Variants in ZNF285 observed in about 807,000 individuals in gnomAD.
The protein encoded by ZNF285 is zinc finger protein 285A.
Under a neutral mutation model 6.2 loss-of-function variants are expected in ZNF285, and 4 were observed. The observed-to-expected ratio is 0.65, with a 90% CI of 0.32 to 1.49. The LOEUF (loss-of-function observed/expected upper bound fraction) is 1.49, where lower values mean the gene tolerates loss of function less well. ZNF285 is among the 40% of genes most tolerant of loss of function. The pLI is 0.07. For synonymous variants in ZNF285, 240 were observed against 245.8 expected (o/e 0.98, Z 0.22); for missense variants, 695 against 708.8 (o/e 0.98, Z 0.22).
chr19:44,397,539 A>G (rs73560660), intron 1 of ZNF285, among the ~76,000 whole-genome samples: 2,061 of 152,208 alleles, frequency 0.014, 72 homozygotes, highest in African/African-American at 0.047. Flanking sequence ...GAACTGACAT[A>G]ATCTACATCT....
intron 1 of ZNF285, 123 bp from the exon 2 acceptor site, chr19:44,397,379 C>G: frequency 2.5e-6 from 3 of 1,193,924 alleles, no homozygotes; most frequent in South Asian, 1.4e-5. Context: ...TCTCTTCTCG[C>G]TCTGAACAGA....
In ZNF285 at chr19:44,393,325, C is replaced by A. The variant is rs531821995; in HGVS notation, c.16-859G>T. Among the ~76,000 whole-genome samples, 8 of 152,058 alleles carry A rather than the reference C, an allele frequency of 5.3e-5. No homozygotes were observed. In the East Asian group the frequency reaches 1.5e-3, roughly 29 times the overall value. On this transcript the variant is annotated intron_variant, in intron 2 of 3. Coordinates refer to ENST00000614994, the MANE Select transcript of ZNF285 (RefSeq NM_152354.6). ...AAGATTACACATTATGCTATTCTTT[C>A]GTTTTCCTGATAAATTGAAATTTCT...
chr19:44,392,323 C>G lies in ZNF285; in HGVS notation c.142+17G>C, dbSNP rs2571123. 0.21 allele frequency: 333,694 copies of G among 1,613,446 alleles called. 52,703 individuals are homozygous for G. The highest frequency in any genetic ancestry group is 0.75 in the East Asian group (33,723 of 44,866). On this transcript the variant is annotated intron_variant, in intron 3 of 3. Transcript: ENST00000614994. ...TTTGAGGAAACAGGTCCAGTGGTCT[C>G]ATGCTCAGTTACTCACTCACTAACA...
intron 2 of ZNF285, chr19:44,392,684 T>C: frequency 2.4e-6 from 2 of 827,368 alleles, no homozygotes; most frequent in Non-Finnish European, 4.0e-6. Context: ...GCTCTCACTG[T>C]GTCCTTACAT....
rs772804906 is a variant in ZNF285, at chr19:44,397,372, C to A, written c.-43-116G>T. The A allele has an allele frequency of 3.1e-5, 39 of 1,246,382 alleles. No homozygotes were observed. The Middle Eastern group carries it at 1.1e-3, about 36-fold the overall frequency. 77.2% of individuals were successfully genotyped at this position (1,246,382 alleles called of 1,614,324 possible). A position where few individuals can be genotyped will look rare whatever the true frequency, so the allele number is the denominator to read the frequency against. On this transcript the variant is annotated intron_variant, in intron 1 of 3. Transcript: ENST00000614994. ...TTTCTCCTCTCACTGGATATCATCT[C>A]TTCTCGCTCTGAACAGACTGAACTC... is the stretch of plus-strand genomic sequence containing the variant.
At chr19:44,401,175 G>A (rs1306138984) in intron 1 of ZNF285, among the ~76,000 whole-genome samples, 1 of 152,060 alleles carries the variant, frequency 6.6e-6, no homozygotes, top group Admixed American at 6.5e-5. Flanking sequence ...CCCATTCAGG[G>A]ACGCACAGTC....
At chr19:44,398,104 G>T (rs1470354501) in intron 1 of ZNF285, among the ~76,000 whole-genome samples, 4 of 151,976 alleles carry the variant, frequency 2.6e-5, no homozygotes, top group African/African-American at 4.8e-5. Context: ...TTGACTCTTG[G>T]CTTCCTAAAC....
Position 44,387,302 on chromosome 19 carries a change from G to C in ZNF285, c.943C>G (p.Pro315Ala). 1 of 1,614,186 alleles carries C rather than the reference G, an allele frequency of 6.2e-7. No homozygotes were observed. ...RYQKVSSGDKPYKCKECGKGF... is the reference protein window; with the variant it reads ...RYQKVSSGDKAYKCKECGKGF... The stretch of plus-strand genomic sequence containing the variant: ...TTGCCACATTCTTTACATTTGTAGG[G>C]TTTGTCTCCTGAGGAGACTTTCTGA... Residue 315 changes from proline (P) to alanine (A), a missense_variant, in exon 4 of 4, where the codon CCC (proline) becomes GCC (alanine). By Grantham distance (27) the Pro-to-Ala change is conservative. Coordinates refer to ENST00000614994, the MANE Select transcript of ZNF285 (RefSeq NM_152354.6).
intron 3 of ZNF285, among the ~76,000 whole-genome samples, chr19:44,388,739 A>G (rs1454391388): frequency 2.1e-5 from 3 of 143,544 alleles, no homozygotes; most frequent in Non-Finnish European, 2.9e-5. Flanking sequence ...TAAATAATAC[A>G]TATTGATGGA....
intron 3 of ZNF285, among the ~76,000 whole-genome samples, chr19:44,390,076 G>A (rs1335564928): frequency 2.6e-5 from 4 of 151,948 alleles, no homozygotes; most frequent in African/African-American, 4.8e-5. Flanking sequence ...CCCACGTGTC[G>A]TGTCCCATAA....
At chr19:44,397,284 C>A in intron 1 of ZNF285, 28 bp from the exon 2 acceptor site, 1 of 1,612,796 alleles carries the variant, frequency 6.2e-7, no homozygotes, top group Non-Finnish European at 8.5e-7. Context: ...TCCATGAGAT[C>A]ATGGGTTCAA....
chr19:44,392,412 G>C lies in ZNF285; in HGVS notation c.70C>G (p.Leu24Val), dbSNP rs769556303. Residue 24 changes from leucine to valine, a missense_variant, in exon 3 of 4, where the codon CTA (leucine) becomes GTA (valine). By Grantham distance (32) the Leu-to-Val change is conservative (BLOSUM62 1). Coordinates refer to ENST00000614994, the MANE Select transcript of ZNF285 (RefSeq NM_152354.6). ...AVVFTKEELA[L>V]LDKAQINLYQ... ...AGGTTTATCTGGGCTTTATCCAATA[G>C]TGCCAGCTCTTCCTTGGTGAAGACA... The C allele has an allele frequency of 1.1e-5, 18 of 1,613,678 alleles. No homozygotes were observed. Among genetic ancestry groups the C allele is most frequent in the Non-Finnish European group, 1.4e-5 (17 of 1,179,836 alleles).
Position 44,391,010 on chromosome 19 carries a change from TG to T in ZNF285, c.142+1329del, listed in dbSNP as rs1348863338. Among the ~76,000 whole-genome samples the T allele has an allele frequency of 2.0e-5, 3 of 151,994 alleles. No individual in the cohort carries two copies. The East Asian group carries it at 5.8e-4, about 30-fold the overall frequency. ...CTCTACTAATAATACAAAGATTAGC[TG>T]GGTGTGGTGGTGCATGTCTGTAGTC... On this transcript the variant is annotated intron_variant, in intron 3 of 3. Transcript: ENST00000614994.
chr19:44,386,509 G>T lies in ZNF285; in HGVS notation c.1736C>A (p.Thr579Asn). ...THCERGKDLL[T>N]HQRLHEQRET... Reference sequence around the variant, plus strand: ...TCTCTGCTCATGTAGTCTTTGATGAGTCAGAAGGTCCTTTCCACGCTCACA... The same window carrying T: ...TCTCTGCTCATGTAGTCTTTGATGATTCAGAAGGTCCTTTCCACGCTCACA... The change falls in exon 4 of 4, where the codon ACT becomes AAT. Residue 579 changes from threonine (T) to asparagine (N), a missense_variant. Physicochemically the swap from Thr to Asn is moderately conservative, Grantham distance 65. Coordinates refer to ENST00000614994, the MANE Select transcript of ZNF285 (RefSeq NM_152354.6). The T allele has an allele frequency of 3.1e-6, 5 of 1,613,796 alleles. No individual in the cohort carries two copies. The highest frequency in any genetic ancestry group is 3.4e-6 in the Non-Finnish European group (4 of 1,179,778).
chr19:44,395,000 C>T (rs1208684401), intron 2 of ZNF285, among the ~76,000 whole-genome samples: 2 of 152,120 alleles, frequency 1.3e-5, no homozygotes, highest in Non-Finnish European at 2.9e-5. Context: ...GAGGTTCACA[C>T]AGCCTACTCC....
At chr19:44,389,603 C>T (rs1971159051) in intron 3 of ZNF285, among the ~76,000 whole-genome samples, 1 of 152,030 alleles carries the variant, frequency 6.6e-6, no homozygotes, top group Non-Finnish European at 1.5e-5. Context: ...CTTCTGTTTT[C>T]TGTTCTATTA....
At position 44,387,129 on chromosome 19, in the gene ZNF285, A is replaced by T; in HGVS notation, c.1116T>A (p.Tyr372Ter). ...AGCCCTTCCCACACTCTTCACATTT[A>T]TAGGGCTTTTTCCCTGTGTGTACTC... The part of the protein sequence containing the change: ...HQGVHTGKKP[Y>*]KCEECGKGFD... Residue 372 changes from tyrosine to a stop codon, truncating the protein, a stop_gained, in exon 4 of 4, where the codon TAT becomes TAA. Transcript: ENST00000614994. LOFTEE classifies it low-confidence loss of function (END_TRUNC). The T allele has an allele frequency of 6.2e-7, 1 of 1,614,136 alleles. No homozygotes were observed. The highest frequency in any genetic ancestry group is 8.5e-7 in the Non-Finnish European group (1 of 1,180,016).
chr19:44,388,572 C>T (rs969412538), intron 3 of ZNF285, among the ~76,000 whole-genome samples: 9 of 151,892 alleles, frequency 5.9e-5, no homozygotes, highest in Non-Finnish European at 1.2e-4. Context: ...ACCTTTCCAC[C>T]CCCACACCGC....
At position 44,386,830 on chromosome 19, in the gene ZNF285, T is replaced by C. The variant is rs1555720738; in HGVS notation, c.1415A>G (p.His472Arg). 2.5e-6 allele frequency: 4 copies of C among 1,614,216 alleles called. No individual in the cohort carries two copies. Among genetic ancestry groups the C allele is most frequent in the Non-Finnish European group, 3.4e-6 (4 of 1,180,038 alleles). ...GKDFAYSSVL[H>R]THQRVHTGEK... The stretch of plus-strand genomic sequence containing the variant: ...TCCAGTGTGAACTCTCTGATGAGTG[T>C]GAAGAACAGAGCTATACGCAAAATC... Residue 472 changes from histidine to arginine, a missense_variant, in exon 4 of 4, where the codon CAC becomes CGC. His to Arg is a conservative substitution (Grantham distance 29). Coordinates refer to ENST00000614994, the MANE Select transcript of ZNF285 (RefSeq NM_152354.6).
Sources: gnomAD v4.1 joint callset for allele counts (sites outside exome capture counted in the v4.1 genomes callset) on GRCh38, gnomAD v4.1.1 for gene constraint, MANE v1.5 for transcripts, NCBI Gene and HGNC (gene_info 2026-07-23, HGNC 2026-07-21) for gene names.